The following SGCZ variants were observed in gnomAD, a reference collection of about 807,000 sequenced individuals.
The protein encoded by SGCZ is sarcoglycan zeta, also known as zeta-sarcoglycan.
Under a neutral mutation model 41.3 loss-of-function variants are expected in SGCZ, and 40 were observed. That is an observed-to-expected ratio of 0.97 (90% confidence interval 0.75 to 1.26). SGCZ has a LOEUF of 1.26. Among genes scored for constraint, SGCZ ranks in the 50% most tolerant of loss-of-function variants. The pLI, the probability that SGCZ is intolerant of heterozygous loss-of-function variation, is 0.00. For synonymous variants in SGCZ, 206 were observed against 137.5 expected (o/e 1.50, Z -3.49); for missense variants, 552 against 369.8 (o/e 1.49, Z -4.04).
At chr8:14,270,264 G>C (rs759469214) in intron 3 of SGCZ, among the ~76,000 whole-genome samples, 1 of 152,018 alleles carries the variant, frequency 6.6e-6, no homozygotes, top group Non-Finnish European at 1.5e-5. Flanking sequence ...CCTGGGAGGC[G>C]GAGGTTGCAG....
chr8:14,254,356 T>C (rs1481167556), intron 3 of SGCZ, among the ~76,000 whole-genome samples: 1 of 152,250 alleles, frequency 6.6e-6, no homozygotes, highest in Non-Finnish European at 1.5e-5. Context: ...ATTTAAAGCA[T>C]TCGCTTGTAA....
intron 1 of SGCZ, among the ~76,000 whole-genome samples, chr8:15,186,650 A>G (rs1171074876): frequency 1.3e-5 from 2 of 152,196 alleles, no homozygotes; most frequent in African/African-American, 4.8e-5. Flanking sequence ...AACATTCTGT[A>G]CTTCACAAAG....
At chr8:14,747,394 G>C (rs1360657424) in intron 1 of SGCZ, among the ~76,000 whole-genome samples, 2 of 152,108 alleles carry the variant, frequency 1.3e-5, no homozygotes, top group Admixed American at 1.3e-4. Flanking sequence ...TTCAGCCATA[G>C]CAACCTGCAA....
At chr8:14,531,380 C>T (rs1012250479) in intron 2 of SGCZ, among the ~76,000 whole-genome samples, 20 of 151,864 alleles carry the variant, frequency 1.3e-4, no homozygotes, top group African/African-American at 4.8e-4. Flanking sequence ...TCCTCTTGGT[C>T]ACAAGACTAG....
rs80136745 is a variant in SGCZ, at chr8:14,963,051, G to A, written c.39+274534C>T. On this transcript the variant is annotated intron_variant, in intron 1 of 7. Coordinates refer to ENST00000382080, the MANE Select transcript of SGCZ (RefSeq NM_139167.4). ...CTGGACTGAAAGTTTGATTTTATTT[G>A]ATTTCTGAATGAGATGACAAACAAC... 2.0e-3 allele frequency among the ~76,000 whole-genome samples: 309 copies of A among 152,216 alleles called. 3 individuals carry two copies. Among genetic ancestry groups the A allele is most frequent in the African/African-American group, 7.2e-3 (299 of 41,560 alleles).
chr8:14,590,351 A>G (rs1805201655), intron 1 of SGCZ, among the ~76,000 whole-genome samples: 1 of 151,982 alleles, frequency 6.6e-6, no homozygotes, highest in South Asian at 2.1e-4. Flanking sequence ...TATTTTGGAA[A>G]TATCTGGAAG....
intron 2 of SGCZ, among the ~76,000 whole-genome samples, chr8:14,403,424 G>A (rs936845979): frequency 7.3e-5 from 11 of 151,550 alleles, no homozygotes; most frequent in Non-Finnish European, 7.3e-5. Flanking sequence ...TTGGCTGTGG[G>A]TTTGTCATAG....
intron 3 of SGCZ, among the ~76,000 whole-genome samples, chr8:14,293,779 T>A (rs1212695186): frequency 6.6e-6 from 1 of 151,870 alleles, no homozygotes; most frequent in African/African-American, 2.4e-5. Flanking sequence ...TTTTCCAACT[T>A]TGTCCCTTTT....
At chr8:14,556,950 G>A (rs1804052069) in intron 1 of SGCZ, among the ~76,000 whole-genome samples, 1 of 152,054 alleles carries the variant, frequency 6.6e-6, no homozygotes, top group African/African-American at 2.4e-5. Context: ...TAGGTACTCA[G>A]TAGTGGGATT....
chr8:14,999,925 C>A (rs563925228), intron 1 of SGCZ, among the ~76,000 whole-genome samples: 96 of 152,280 alleles, frequency 6.3e-4, no homozygotes, highest in African/African-American at 2.1e-3. Context: ...GTGTTACGGG[C>A]TGAATGCCTT....
intron 3 of SGCZ, among the ~76,000 whole-genome samples, chr8:14,297,066 C>G (rs11774187): frequency 6.6e-6 from 1 of 151,954 alleles, no homozygotes; most frequent in Non-Finnish European, 1.5e-5. Context: ...GGAGTACAGA[C>G]GCACACCAGC....
chr8:15,109,270 T>C (rs527253074), intron 1 of SGCZ, among the ~76,000 whole-genome samples: 1 of 152,152 alleles, frequency 6.6e-6, no homozygotes, highest in East Asian at 1.9e-4. Flanking sequence ...AATTTCTTTT[T>C]ATTTTCTGCT....
At chr8:14,246,155 T>A (rs1329746107) in intron 3 of SGCZ, among the ~76,000 whole-genome samples, 2 of 152,200 alleles carry the variant, frequency 1.3e-5, no homozygotes, top group African/African-American at 4.8e-5. Flanking sequence ...CATGTATGTT[T>A]ATTGCGGCTG....
At chr8:14,849,799 T>C (rs1361620687) in intron 1 of SGCZ, among the ~76,000 whole-genome samples, 2 of 152,178 alleles carry the variant, frequency 1.3e-5, no homozygotes, top group Non-Finnish European at 2.9e-5. Context: ...TGTGCTTCAA[T>C]AAAGTTGTTA....
chr8:14,917,901 C>A (rs1038957806), intron 1 of SGCZ, among the ~76,000 whole-genome samples: 1 of 152,086 alleles, frequency 6.6e-6, no homozygotes, highest in Non-Finnish European at 1.5e-5. Flanking sequence ...ACCTTTCAGA[C>A]TGTTTTCAGT....
chr8:14,148,947 A>ATC, intron 5 of SGCZ, among the ~76,000 whole-genome samples: 1 of 152,100 alleles, frequency 6.6e-6, no homozygotes, highest in Non-Finnish European at 1.5e-5. Flanking sequence ...ACATGATCCT[A>ATC]TCAATAGATG....
chr8:15,208,159 T>C (rs1457656695), intron 1 of SGCZ, among the ~76,000 whole-genome samples: 1 of 152,180 alleles, frequency 6.6e-6, no homozygotes, highest in Non-Finnish European at 1.5e-5. Context: ...AAGGCCAAAA[T>C]AAGTTCCCTG....
chr8:14,139,590 A>G lies in SGCZ; in HGVS notation c.547+24990T>C, dbSNP rs377130409. On this transcript the variant is annotated intron_variant, in intron 5 of 7. Transcript: ENST00000382080. ...ACACAAATAAACTAGAAAATCTAGA[A>G]GAAAATGATGAATTCCTGGACACAT... Among the ~76,000 whole-genome samples the G allele has an allele frequency of 4.6e-5, 7 of 152,230 alleles. No individual in the cohort carries two copies. The East Asian group carries it at 5.8e-4, about 13-fold the overall frequency.
chr8:14,779,584 A>G (rs1422922937), intron 1 of SGCZ, among the ~76,000 whole-genome samples: 4 of 152,238 alleles, frequency 2.6e-5, no homozygotes, highest in African/African-American at 7.2e-5. Context: ...TTAAGCAGAA[A>G]TAGATATTCA....
Sources: allele counts gnomAD v4.1 joint callset (sites outside exome capture counted in the v4.1 genomes callset), GRCh38; gene constraint gnomAD v4.1.1; transcripts MANE v1.5; gene names NCBI Gene and HGNC (gene_info 2026-07-23, HGNC 2026-07-21).